PTPN6: variants seen among roughly 807,000 people sequenced by gnomAD.
The protein encoded by PTPN6 is protein tyrosine phosphatase non-receptor type 6, also known as tyrosine-protein phosphatase non-receptor type 6.
A neutral mutation model predicts 81.5 loss-of-function variants in PTPN6; 18 were observed. The observed-to-expected ratio is 0.22, with a 90% confidence interval of 0.15 to 0.33. PTPN6 has a LOEUF of 0.33. Among genes scored for constraint, PTPN6 ranks in the 10% least tolerant of loss-of-function variants. The pLI is 1.00. For missense variants in PTPN6, 500 were observed against 794.2 expected (o/e 0.63, Z 4.45); for synonymous variants, 301 against 310.9 (o/e 0.97, Z 0.33).
intron 3 of PTPN6, chr12:6,953,526 T>C (rs1188193859): frequency 2.0e-5 from 3 of 152,138 alleles, no homozygotes; most frequent in Non-Finnish European, 1.5e-5. Flanking sequence ...CCCTTTTGGG[T>C]GACCCGTCCC....
Position 6,952,268 on chromosome 12 carries a change from G to C in PTPN6, c.326+91G>C, listed in dbSNP as rs761886977. On this transcript the variant is annotated intron_variant, in intron 3 of 15. Transcript: ENST00000318974. The surrounding 1 kb of genome is among the most constrained non-coding windows in gnomAD (Gnocchi z 8.1). ...GGAGGCAGGGAGACTGGCAGCCGGCGCTGCCTACCCTCCATCCCCTCCCCT... is the reference window on the plus strand; with the variant it reads ...GGAGGCAGGGAGACTGGCAGCCGGCCCTGCCTACCCTCCATCCCCTCCCCT... 2.7e-6 allele frequency: 4 copies of C among 1,492,928 alleles called. No individual in the cohort carries two copies. The East Asian group carries it at 9.1e-5, about 34-fold the overall frequency. The allele number at this position is 1,492,928 out of a possible 1,614,324, so 92.5% of individuals were successfully genotyped here. A position where few individuals can be genotyped will look rare whatever the true frequency, so the allele number is the denominator to read the frequency against.
chr12:6,946,879 T>G, upstream of PTPN6: 3 of 929,018 alleles, frequency 3.2e-6, no homozygotes, highest in Non-Finnish European at 3.4e-6. Context: ...CCCTATGAAC[T>G]TCCCCTTCCC....
At position 6,957,105 on chromosome 12, in the gene PTPN6, C is replaced by A. The variant is rs1332145703; in HGVS notation, c.1074+537C>A. 2.6e-5 allele frequency among the ~76,000 whole-genome samples: 4 copies of A among 152,260 alleles called. No homozygotes were observed. The highest frequency in any genetic ancestry group is 2.6e-4 in the Admixed American group (4 of 15,286). On this transcript the variant is annotated intron_variant, in intron 9 of 15. Coordinates refer to ENST00000318974, the MANE Select transcript of PTPN6 (RefSeq NM_002831.6). The surrounding 1 kb of genome is among the most constrained non-coding windows in gnomAD (Gnocchi z 6.5). ...CTCACCGCCCCCAGCAGCCCCAGCTCTTTCAGGTTCCCAGCCTTTCTTTGC... is the reference window on the plus strand; with the variant it reads ...CTCACCGCCCCCAGCAGCCCCAGCTATTTCAGGTTCCCAGCCTTTCTTTGC...
chr12:6,946,719 C>CAG (rs781796998), upstream of PTPN6: 1 of 1,612,210 alleles, frequency 6.2e-7, no homozygotes, highest in South Asian at 1.1e-5. Context: ...CCCCTCCCTA[C>CAG]AGAGAGATGC....
upstream of PTPN6, chr12:6,946,768 GTCTCCTGT>G (rs2138246612): frequency 6.2e-7 from 1 of 1,605,040 alleles, no homozygotes; most frequent in East Asian, 2.2e-5. Context: ...CGGGGTCCCA[GTCTCCTGT>G]TAGTTTTGGA....
Position 6,957,884 on chromosome 12 carries a change from G to A in PTPN6, c.1207-35G>A. The A allele has an allele frequency of 1.9e-6, 3 of 1,613,972 alleles. No homozygotes were observed. The highest frequency in any genetic ancestry group is 2.2e-5 in the East Asian group (1 of 44,880). On this transcript the variant is annotated intron_variant, in intron 10 of 15. Coordinates refer to ENST00000318974, the MANE Select transcript of PTPN6 (RefSeq NM_002831.6). This position sits in a 1 kb window ranked among gnomAD's most constrained non-coding sequence, Gnocchi z 6.5. ...GTGAGATGGATGAGGTGTTCCGAGA[G>A]AGGAGGGGGCACTGACCCTATGTCC...
In PTPN6 at chr12:6,957,647, T is replaced by G. The variant is rs1555148926; in HGVS notation, c.1075-7T>G. ...TGCCTCATCCCCACCCGACCCTCCC[T>G]TTCCAGAACAAATGCGTCCCATACT... is the stretch of plus-strand genomic sequence containing the variant. On this transcript the variant is annotated splice_region_variant and splice_polypyrimidine_tract_variant and intron_variant, in intron 9 of 15. Transcript: ENST00000318974. The surrounding 1 kb of genome is among the most constrained non-coding windows in gnomAD (Gnocchi z 6.5). 4.2e-6 allele frequency: 3 copies of G among 709,418 alleles called. No individual in the cohort carries two copies. Among genetic ancestry groups the G allele is most frequent in the Non-Finnish European group, 7.2e-6 (3 of 415,550 alleles). The allele number at this position is 709,418 out of a possible 1,614,324, so 43.9% of individuals were successfully genotyped here.
Position 6,957,629 on chromosome 12 carries a change from T to TGGCCCCCCCCC in PTPN6, c.1075-25_1075-24insGGCCCCCCCCC. 6.6e-7 allele frequency: 1 copy of TGGCCCCCCCCC among 1,521,492 alleles called. No homozygotes were observed. The highest frequency in any genetic ancestry group is 9.0e-7 in the Non-Finnish European group (1 of 1,105,656). The allele number at this position is 1,521,492 out of a possible 1,614,324, so 94.2% of individuals were successfully genotyped here. A position where few individuals can be genotyped will look rare whatever the true frequency, so the allele number is the denominator to read the frequency against. ...CCACAGTGCCCTGCTCTGTGCCTCA[T>TGGCCCCCCCCC]CCCCACCCGACCCTCCCTTTCCAGA... On this transcript the variant is annotated intron_variant, in intron 9 of 15. Transcript: ENST00000318974. This position sits in a 1 kb window ranked among gnomAD's most constrained non-coding sequence, Gnocchi z 6.5.
At chr12:6,950,829 T>G (rs1175659723), upstream of PTPN6, among the ~76,000 whole-genome samples, 3 of 152,184 alleles carry the variant, frequency 2.0e-5, no homozygotes, top group African/African-American at 7.2e-5. Flanking sequence ...GCTGACTCAC[T>G]GATGGACTCA....
rs1264589373 is a variant in PTPN6, at chr12:6,955,832, C to T, written c.844+76C>T. ...TGCCTCCCCTCATCTCACAGGTCTC[C>T]ACCCTCCACGCCAGGAGGGGCCATC... is the stretch of plus-strand genomic sequence containing the variant. On this transcript the variant is annotated intron_variant, in intron 7 of 15. Transcript: ENST00000318974. This position sits in a 1 kb window ranked among gnomAD's most constrained non-coding sequence, Gnocchi z 7.2. The T allele has an allele frequency of 1.2e-5, 17 of 1,373,466 alleles. No homozygotes were observed. Among genetic ancestry groups the T allele is most frequent in the South Asian group, 4.7e-5 (4 of 85,646 alleles). 85.1% of individuals were successfully genotyped at this position (1,373,466 alleles called of 1,614,324 possible).
chr12:6,956,670 A>G lies in PTPN6; in HGVS notation c.1074+102A>G. 1 of 1,496,202 alleles carries G rather than the reference A, an allele frequency of 6.7e-7. No individual in the cohort carries two copies. Among genetic ancestry groups the G allele is most frequent in the Middle Eastern group, 2.3e-4 (1 of 4,294 alleles). 92.7% of individuals were successfully genotyped at this position (1,496,202 alleles called of 1,614,324 possible). On this transcript the variant is annotated intron_variant, in intron 9 of 15. Coordinates refer to ENST00000318974, the MANE Select transcript of PTPN6 (RefSeq NM_002831.6). The surrounding 1 kb of genome is among the most constrained non-coding windows in gnomAD (Gnocchi z 4.1). ...AGGGCAGAAAGGGATCTCAGGGGTGAGGGTCCGGCCCTTGTTGGGAAACTG... is the reference window on the plus strand; with the variant it reads ...AGGGCAGAAAGGGATCTCAGGGGTGGGGGTCCGGCCCTTGTTGGGAAACTG...
upstream of PTPN6, among the ~76,000 whole-genome samples, chr12:6,946,919 T>C (rs782510773): frequency 6.6e-6 from 1 of 152,344 alleles, no homozygotes; most frequent in South Asian, 2.1e-4. Flanking sequence ...GGCTCACTCA[T>C]GCTCCTCTGC....
At position 6,956,073 on chromosome 12, in the gene PTPN6, G is replaced by A; in HGVS notation, c.845-69G>A. ...CCAGAATGGCCTGTTAGCTCAGGAG[G>A]GTCTGACCCAGGTGTGGTGAGTCCC... On this transcript the variant is annotated intron_variant, in intron 7 of 15. Transcript: ENST00000318974. The surrounding 1 kb of genome is among the most constrained non-coding windows in gnomAD (Gnocchi z 4.1). The A allele has an allele frequency of 2.7e-6, 4 of 1,506,482 alleles. No individual in the cohort carries two copies. The South Asian group carries it at 3.4e-5, about 13-fold the overall frequency. 93.3% of individuals were successfully genotyped at this position (1,506,482 alleles called of 1,614,324 possible). A position where few individuals can be genotyped will look rare whatever the true frequency, so the allele number is the denominator to read the frequency against.
upstream of PTPN6, among the ~76,000 whole-genome samples, chr12:6,949,090 C>G (rs200095258): frequency 6.6e-6 from 1 of 152,126 alleles, no homozygotes; most frequent in Non-Finnish European, 1.5e-5. Context: ...TTGTCACTGT[C>G]GGCCCCACCG....
rs1555148410 is a variant in PTPN6 at position 6,955,270 on chromosome 12, C to G, written c.633+3C>G. 6.2e-7 allele frequency: 1 copy of G among 1,613,756 alleles called. No individual in the cohort carries two copies. The highest frequency in any genetic ancestry group is 8.5e-7 in the Non-Finnish European group (1 of 1,179,632). On this transcript the variant is annotated splice_donor_region_variant and intron_variant, in intron 5 of 15. Coordinates refer to ENST00000318974, the MANE Select transcript of PTPN6 (RefSeq NM_002831.6). The surrounding 1 kb of genome is among the most constrained non-coding windows in gnomAD (Gnocchi z 7.2). The stretch of plus-strand genomic sequence containing the variant: ...GCGCCTTTGTCTACCTGCGGCAGGT[C>G]AGGGGTGGGCCCAGCTGCCTCCCCA...
In PTPN6 at chr12:6,951,395, G is replaced by A. The variant is rs1399888507; in HGVS notation, c.-118G>A. The A allele has an allele frequency of 9.7e-6, 15 of 1,548,222 alleles. No homozygotes were observed. In the Admixed American group the frequency reaches 2.7e-4, roughly 28 times the overall value. On this transcript the variant is annotated 5_prime_UTR_variant, in exon 1 of 16. The change creates a new upstream start codon in the 5' untranslated region. Transcript: ENST00000318974. This position sits in a 1 kb window ranked among gnomAD's most constrained non-coding sequence, Gnocchi z 7.2. ...CCCAGAACTGGGACCACCGGGGGTG[G>A]TGAGGCGGCCCGGCACTGGGAGCTG...
chr12:6,947,490 T>A (rs1555147000), upstream of PTPN6, among the ~76,000 whole-genome samples: 1 of 151,678 alleles, frequency 6.6e-6, no homozygotes, highest in African/African-American at 2.4e-5. Flanking sequence ...GCCAATATAG[T>A]GAGACCCTGT....
Position 6,952,205 on chromosome 12 carries a change from CA to C in PTPN6, c.326+30del. On this transcript the variant is annotated intron_variant, in intron 3 of 15. Coordinates refer to ENST00000318974, the MANE Select transcript of PTPN6 (RefSeq NM_002831.6). This position sits in a 1 kb window ranked among gnomAD's most constrained non-coding sequence, Gnocchi z 8.1. ...GAGGGCTCCGCACCCCCGCCATTCC[CA>C]AGCAGGGATGAGCCGGCTCCCACCC... 6.2e-7 allele frequency: 1 copy of C among 1,612,368 alleles called. No homozygotes were observed. The highest frequency in any genetic ancestry group is 8.5e-7 in the Non-Finnish European group (1 of 1,179,498).
chr12:6,958,219 C>A, intron 11 of PTPN6, 146 bp downstream of exon 11: 3 of 1,184,102 alleles, frequency 2.5e-6, no homozygotes, highest in Non-Finnish European at 2.4e-6. Flanking sequence ...CCCCTCATGG[C>A]TCCAGAACCC....
Sources: allele counts gnomAD v4.1 joint callset (sites outside exome capture counted in the v4.1 genomes callset), GRCh38; gene constraint gnomAD v4.1.1; non-coding constraint Gnocchi (gnomAD v3.1); transcripts MANE v1.5; gene names NCBI Gene and HGNC (gene_info 2026-07-23, HGNC 2026-07-21).